DOCK4: variants seen among roughly 807,000 people sequenced by gnomAD.
DOCK4 encodes dedicator of cytokinesis 4.
DOCK4 carries 97 observed loss-of-function variants against 268.1 expected under a neutral mutation model. The ratio of observed to expected loss-of-function variants is 0.36; its 90% confidence interval spans 0.31 to 0.43. The LOEUF (loss-of-function observed/expected upper bound fraction) is 0.43. Among genes scored for constraint, DOCK4 ranks in the 20% least tolerant of loss-of-function variants. The probability of loss-of-function intolerance (pLI) is 1.00; values close to 1 mark genes in which losing one functional copy is unlikely to be tolerated. For synonymous variants in DOCK4, 954 were observed against 887.2 expected, an observed-to-expected ratio of 1.08 and a Z score of -1.34; for missense variants, 2,145 against 2,455.7, an observed-to-expected ratio of 0.87 and a Z score of 2.67.
At chr7:111,859,628 C>A (rs1039084802) in intron 23 of DOCK4, among the ~76,000 whole-genome samples, 2 of 134,134 alleles carry the variant, frequency 1.5e-5, no homozygotes, top group African/African-American at 5.7e-5. Flanking sequence ...AGTGCAGTGG[C>A]GGGATCTCGG....
chr7:111,760,738 TTGTG>T (rs3997406), intron 39 of DOCK4, among the ~76,000 whole-genome samples: 35,566 of 136,740 alleles, frequency 0.26, 4,693 homozygotes, highest in East Asian at 0.53. Flanking sequence ...TGTCTGCTTT[TTGTG>T]TGTGTGTGTG....
In DOCK4 at chr7:111,809,516, A is replaced by T. The variant is rs1800924900; in HGVS notation, c.3007-115T>A. On this transcript the variant is annotated intron_variant, in intron 28 of 52. Coordinates refer to ENST00000428084, the MANE Select transcript of DOCK4 (RefSeq NM_001363540.2). ...TGGTTGAGGGTATAGTTGAAGTAAG[A>T]CTGACCATGAGTTGATAATAGTTGA... 6 of 783,502 alleles carry T rather than the reference A, an allele frequency of 7.7e-6. No individual in the cohort carries two copies. In the South Asian group the frequency reaches 9.9e-5, roughly 13 times the overall value. 48.5% of individuals were successfully genotyped at this position (783,502 alleles called of 1,614,324 possible).
At chr7:112,019,735 T>C (rs1172204719) in intron 1 of DOCK4, among the ~76,000 whole-genome samples, 1 of 152,220 alleles carries the variant, frequency 6.6e-6, no homozygotes, top group East Asian at 1.9e-4. Context: ...TTAAGATACT[T>C]TTTGAGAATT....
At position 111,972,199 on chromosome 7, in the gene DOCK4, T is replaced by C. The variant is rs146221138; in HGVS notation, c.701+4933A>G. ...AAAGCTCCAATTCTGGCCAATAAAA[T>C]CCTGTTTAACTATGGAAACTTTCAG... On this transcript the variant is annotated intron_variant, in intron 8 of 52. Coordinates refer to ENST00000428084, the MANE Select transcript of DOCK4 (RefSeq NM_001363540.2). Among the ~76,000 whole-genome samples the C allele has an allele frequency of 2.3e-3, 356 of 152,314 alleles. 5 individuals carry two copies. The highest frequency in any genetic ancestry group is 7.9e-3 in the African/African-American group (330 of 41,570).
intron 1 of DOCK4, among the ~76,000 whole-genome samples, chr7:112,155,316 C>T (rs915562285): frequency 6.6e-6 from 1 of 152,094 alleles, no homozygotes; most frequent in East Asian, 1.9e-4. Flanking sequence ...GAGGAGAATA[C>T]TAAGGATTAA....
chr7:111,782,150 GTAGGGCC>G (rs1554590664), intron 35 of DOCK4, among the ~76,000 whole-genome samples: 4 of 152,170 alleles, frequency 2.6e-5, no homozygotes, highest in Non-Finnish European at 5.9e-5. Flanking sequence ...ACATCTAAAT[GTAGGGCC>G]ACTCCTTTGC....
intron 13 of DOCK4, among the ~76,000 whole-genome samples, chr7:111,913,131 T>C (rs1586350590): frequency 6.6e-6 from 1 of 151,516 alleles, no homozygotes; most frequent in African/African-American, 2.4e-5. Context: ...GCCCGGCTAA[T>C]TTTTTGTATT....
At chr7:112,022,048 G>A (rs987278907) in intron 1 of DOCK4, among the ~76,000 whole-genome samples, 2 of 152,156 alleles carry the variant, frequency 1.3e-5, no homozygotes, top group Non-Finnish European at 2.9e-5. Context: ...CATTAACTTG[G>A]TACTATATTC....
intron 1 of DOCK4, among the ~76,000 whole-genome samples, chr7:112,067,325 T>A (rs1008979325): frequency 6.7e-5 from 10 of 150,270 alleles, no homozygotes; most frequent in Non-Finnish European, 3.0e-5. Context: ...CCCATCAACA[T>A]CCTGACATCG....
intron 1 of DOCK4, among the ~76,000 whole-genome samples, chr7:112,097,466 T>G (rs1042937338): frequency 6.6e-6 from 1 of 151,862 alleles, no homozygotes; most frequent in Non-Finnish European, 1.5e-5. Flanking sequence ...TACCAGCTAC[T>G]CAAGAGGCTG....
intron 31 of DOCK4, 182 bp from the exon 32 acceptor site, chr7:111,788,929 T>C: frequency 4.8e-6 from 3 of 624,330 alleles, no homozygotes; most frequent in Non-Finnish European, 8.7e-6. Context: ...CTAGATAGAG[T>C]TACATGACTT....
chr7:111,769,446 C>A, intron 37 of DOCK4, 83 bp downstream of exon 37: 1 of 1,521,730 alleles, frequency 6.6e-7, no homozygotes, highest in Admixed American at 1.8e-5. Flanking sequence ...AGGAGGTGGG[C>A]ATTCATAAAC....
At chr7:112,121,003 G>A (rs1401769858) in intron 1 of DOCK4, among the ~76,000 whole-genome samples, 1 of 152,070 alleles carries the variant, frequency 6.6e-6, no homozygotes, top group Non-Finnish European at 1.5e-5. Context: ...TGGCATCAAG[G>A]GAATTCACCC....
At chr7:112,016,075 T>A (rs1801784701) in intron 1 of DOCK4, among the ~76,000 whole-genome samples, 1 of 152,212 alleles carries the variant, frequency 6.6e-6, no homozygotes, top group Non-Finnish European at 1.5e-5. Flanking sequence ...ATTTAAACCA[T>A]AACTTATACT....
intron 12 of DOCK4, among the ~76,000 whole-genome samples, chr7:111,927,449 G>A (rs1282177618): frequency 1.3e-5 from 2 of 152,192 alleles, no homozygotes; most frequent in African/African-American, 4.8e-5. Context: ...GAAATCTGCT[G>A]ACCAGCAATG....
intron 1 of DOCK4, among the ~76,000 whole-genome samples, chr7:112,015,217 T>C (rs1479023686): frequency 1.3e-5 from 2 of 152,164 alleles, no homozygotes. Flanking sequence ...TATAATGCAT[T>C]AGCATGCTAA....
intron 20 of DOCK4, 122 bp from the exon 21 acceptor site, chr7:111,869,777 C>G: frequency 1.3e-6 from 1 of 748,666 alleles, no homozygotes; most frequent in Non-Finnish European, 2.3e-6. Flanking sequence ...CTCACATTTT[C>G]CTGTCAATCT....
intron 22 of DOCK4, among the ~76,000 whole-genome samples, chr7:111,867,107 G>T (rs1806037342): frequency 6.6e-6 from 1 of 152,196 alleles, no homozygotes; most frequent in Non-Finnish European, 1.5e-5. Flanking sequence ...AACAAGAATA[G>T]ACCTCTCAAC....
chr7:111,816,743 A>G (rs1801586274), intron 27 of DOCK4, among the ~76,000 whole-genome samples: 1 of 152,210 alleles, frequency 6.6e-6, no homozygotes, highest in Non-Finnish European at 1.5e-5. Flanking sequence ...ATTTGAGTCT[A>G]TGCTTTGTTA....
Sources: allele counts gnomAD v4.1 joint callset (sites outside exome capture counted in the v4.1 genomes callset), GRCh38; gene constraint gnomAD v4.1.1; transcripts MANE v1.5; gene names NCBI Gene and HGNC (gene_info 2026-07-23, HGNC 2026-07-21).